The following CNKSR2 variants were observed in gnomAD, a reference collection of about 807,000 sequenced individuals.
CNKSR2 encodes the protein connector enhancer of kinase suppressor of Ras 2, also known as CNK homolog protein 2.
Under a neutral mutation model 84.4 loss-of-function variants are expected in CNKSR2, and 14 were observed. The ratio of observed to expected loss-of-function variants is 0.17; its 90% CI spans 0.11 to 0.26. The LOEUF is 0.26. Ranked by LOEUF, CNKSR2 falls within the 10% of genes least tolerant of loss-of-function variation. The pLI, the probability that CNKSR2 is intolerant of heterozygous loss-of-function variation, is 1.00. For synonymous variants in CNKSR2, 275 were observed against 277.9 expected, an observed-to-expected ratio of 0.99 and a Z score of 0.10; for missense variants, 485 against 771.2, an observed-to-expected ratio of 0.63 and a Z score of 4.40.
intron 20 of CNKSR2, among the ~76,000 whole-genome samples, chrX:21,610,244 G>A (rs2092543205): frequency 1.8e-5 from 2 of 112,156 alleles, no homozygotes; most frequent in Admixed American, 1.9e-4. Context: ...TGTGTTGATC[G>A]TAAAGCTCAA....
intron 1 of CNKSR2, among the ~76,000 whole-genome samples, chrX:21,416,232 G>A (rs768788698): frequency 2.7e-5 from 3 of 111,788 alleles, no homozygotes; most frequent in African/African-American, 6.5e-5. Context: ...CTGTAGATAC[G>A]ATGTACCACA....
intron 19 of CNKSR2, 109 bp from the exon 20 acceptor site, chrX:21,608,962 C>T (rs942862779): frequency 9.4e-6 from 10 of 1,059,493 alleles, no homozygotes; most frequent in Middle Eastern, 3.8e-4. Flanking sequence ...AACATGACTA[C>T]GTAAGAGTTC....
intron 4 of CNKSR2, among the ~76,000 whole-genome samples, chrX:21,467,240 T>C (rs1569185893): frequency 9.0e-6 from 1 of 111,496 alleles, no homozygotes; most frequent in Non-Finnish European, 1.9e-5. Context: ...ACCATCTTTA[T>C]AAATATCATC....
chrX:21,487,759 C>T (rs1407629381), intron 5 of CNKSR2, among the ~76,000 whole-genome samples: 3 of 112,582 alleles, frequency 2.7e-5, no homozygotes, highest in African/African-American at 9.7e-5. Context: ...TACTGCCATT[C>T]TGTCCTTTCT....
intron 15 of CNKSR2, chrX:21,592,073 G>A (rs766968670): frequency 1.4e-4 from 16 of 111,558 alleles, no homozygotes; most frequent in African/African-American, 4.9e-4. Context: ...TTATGCCTAC[G>A]ATTACAAAAC....
chrX:21,410,376 T>C (rs779168273), intron 1 of CNKSR2, among the ~76,000 whole-genome samples: 1 of 111,582 alleles, frequency 9.0e-6, no homozygotes, highest in East Asian at 2.8e-4. Flanking sequence ...GAAAGTCTTA[T>C]AAATTTTAGG....
At chrX:21,607,799 G>C in intron 19 of CNKSR2, among the ~76,000 whole-genome samples, 1 of 109,886 alleles carries the variant, frequency 9.1e-6, no homozygotes, top group Non-Finnish European at 1.9e-5. Context: ...GTGAGACTGT[G>C]TCTCAAAATA....
chrX:21,577,561 G>A (rs1167929718), intron 13 of CNKSR2, among the ~76,000 whole-genome samples: 5 of 110,073 alleles, frequency 4.5e-5, no homozygotes, highest in Non-Finnish European at 9.5e-5. Context: ...CTTTTATGTT[G>A]TAGACGTTTG....
At chrX:21,390,799 A>G (rs775525993) in intron 1 of CNKSR2, among the ~76,000 whole-genome samples, 3 of 112,186 alleles carry the variant, frequency 2.7e-5, no homozygotes, top group African/African-American at 9.7e-5. Context: ...TCTACAGTCC[A>G]AAGTCTCATC....
chrX:21,510,158 G>C (rs1173842584), intron 8 of CNKSR2, among the ~76,000 whole-genome samples: 1 of 111,407 alleles, frequency 9.0e-6, no homozygotes, highest in Non-Finnish European at 1.9e-5. Context: ...TTTCCTTTGG[G>C]AAAAGGTATC....
intron 9 of CNKSR2, among the ~76,000 whole-genome samples, chrX:21,521,155 G>GA (rs762389693): frequency 3.7e-5 from 4 of 106,742 alleles, no homozygotes; most frequent in Non-Finnish European, 5.9e-5. Flanking sequence ...CGTTGTGACT[G>GA]AAAAAAAAAC....
chrX:21,571,424 C>T (rs1216526700), intron 13 of CNKSR2, among the ~76,000 whole-genome samples: 2 of 111,585 alleles, frequency 1.8e-5, no homozygotes, highest in African/African-American at 3.3e-5. Flanking sequence ...AGGAGGTATC[C>T]CTATAATATT....
chrX:21,426,948 C>T (rs181627660), intron 2 of CNKSR2: 52 of 288,124 alleles, frequency 1.8e-4, no homozygotes, highest in African/African-American at 1.4e-3. Flanking sequence ...ATGAACCACT[C>T]ATGTGCTAGG....
At chrX:21,493,093 G>A (rs1302585865) in intron 6 of CNKSR2, 9 of 112,137 alleles carry the variant, frequency 8.0e-5, no homozygotes, top group African/African-American at 2.3e-4. Context: ...TGGATACATC[G>A]TTTATCAGCT....
chrX:21,522,031 TG>T (rs1464962905), intron 9 of CNKSR2, among the ~76,000 whole-genome samples: 2 of 111,161 alleles, frequency 1.8e-5, no homozygotes, highest in East Asian at 5.6e-4. Context: ...CTTCTTTACA[TG>T]GTCAAGAAAC....
intron 9 of CNKSR2, 81 bp from the exon 10 acceptor site, chrX:21,526,786 A>ATTGTTGTTGTTG (rs113629606): frequency 6.7e-5 from 51 of 764,070 alleles, no homozygotes; most frequent in Non-Finnish European, 1.5e-5. Context: ...ACTATGTGTC[A>ATTGTTGTTGTTG]TTGTTGTTGT....
At chrX:21,620,106 A>G (rs1158962009) in intron 20 of CNKSR2, among the ~76,000 whole-genome samples, 1 of 111,631 alleles carries the variant, frequency 9.0e-6, no homozygotes, top group Non-Finnish European at 1.9e-5. Flanking sequence ...GGTAGGCAAG[A>G]TGTTTATCAT....
intron 11 of CNKSR2, chrX:21,538,474 A>G (rs1367816082): frequency 1.8e-5 from 2 of 112,020 alleles, no homozygotes; most frequent in African/African-American, 3.3e-5. Flanking sequence ...TTTGTATGGT[A>G]TATCGCTTGC....
chrX:21,504,714 A>T (rs1298943911), intron 8 of CNKSR2: 4 of 292,143 alleles, frequency 1.4e-5, no homozygotes, highest in South Asian at 2.1e-4. Context: ...CTCCTTTTTT[A>T]AAAGTATTTT....
Sources: gnomAD v4.1 joint callset for allele counts (sites outside exome capture counted in the v4.1 genomes callset) on GRCh38, gnomAD v4.1.1 for gene constraint, MANE v1.5 for transcripts, NCBI Gene and HGNC (gene_info 2026-07-23, HGNC 2026-07-21) for gene names.